Variants in TTC28 observed in about 807,000 individuals in gnomAD.
TTC28 encodes tetratricopeptide repeat domain 28.
Under a neutral mutation model 198.0 loss-of-function variants are expected in TTC28, and 61 were observed. That is an observed-to-expected ratio of 0.31 (90% CI 0.25 to 0.38). TTC28 has a LOEUF of 0.38. Ranked by LOEUF, TTC28 falls within the 10% of genes least tolerant of loss-of-function variation. TTC28 has a pLI of 1.00. For synonymous variants in TTC28, 1,171 were observed against 1,297.8 expected (o/e 0.90, Z 2.10); for missense variants, 2,678 against 3,164.0 (o/e 0.85, Z 3.69).
chr22:28,028,977 T>C (rs1351654293), intron 13 of TTC28: 1 of 471,046 alleles, frequency 2.1e-6, no homozygotes. Context: ...CACTCTGAGC[T>C]CTTCACACTC....
intron 2 of TTC28, among the ~76,000 whole-genome samples, chr22:28,395,762 T>C (rs1051714741): frequency 6.6e-6 from 1 of 152,184 alleles, no homozygotes; most frequent in Non-Finnish European, 1.5e-5. Context: ...TCAACCTAAT[T>C]ATTTACATTA....
chr22:28,443,100 A>G (rs1048961518), intron 2 of TTC28: 11 of 152,228 alleles, frequency 7.2e-5, no homozygotes, highest in African/African-American at 2.2e-4. Context: ...AGTATCCCCA[A>G]ACCACGAACA....
At chr22:28,371,895 AT>A (rs1157004346) in intron 2 of TTC28, among the ~76,000 whole-genome samples, 1 of 149,714 alleles carries the variant, frequency 6.7e-6, no homozygotes. Flanking sequence ...AAAAAAAAAA[AT>A]TTTTTTAATG....
intron 6 of TTC28, among the ~76,000 whole-genome samples, chr22:28,139,837 C>CTGCA (rs1437886334): frequency 2.0e-5 from 3 of 152,078 alleles, no homozygotes; most frequent in Non-Finnish European, 4.4e-5. Flanking sequence ...CCATCTCTCT[C>CTGCA]TGCACAGCTC....
intron 2 of TTC28, among the ~76,000 whole-genome samples, chr22:28,598,177 C>T (rs2050572892): frequency 6.6e-6 from 1 of 151,790 alleles, no homozygotes; most frequent in South Asian, 2.1e-4. Flanking sequence ...AGGGTTTAAA[C>T]CATGGAAAAA....
chr22:28,044,857 C>T (rs1470040074), intron 12 of TTC28, among the ~76,000 whole-genome samples: 1 of 152,128 alleles, frequency 6.6e-6, no homozygotes, highest in African/African-American at 2.4e-5. Flanking sequence ...AGTAGAAATA[C>T]AGGTTTTCCC....
chr22:28,265,527 G>A (rs900345443), intron 5 of TTC28, among the ~76,000 whole-genome samples: 5 of 152,114 alleles, frequency 3.3e-5, no homozygotes, highest in African/African-American at 9.7e-5. Context: ...TGCACGTACC[G>A]CATGGGACAC....
intron 6 of TTC28, among the ~76,000 whole-genome samples, chr22:28,125,470 T>C (rs914455633): frequency 3.9e-5 from 6 of 152,166 alleles, no homozygotes; most frequent in Non-Finnish European, 8.8e-5. Context: ...GTAGTAACTG[T>C]AGAAATGGAG....
At chr22:28,616,838 C>A (rs1034919410) in intron 2 of TTC28, among the ~76,000 whole-genome samples, 2 of 148,454 alleles carry the variant, frequency 1.3e-5, no homozygotes, top group African/African-American at 2.5e-5. Context: ...CAGAGCAAGA[C>A]CCTGTCTCAA....
chr22:28,096,042 G>T (rs186724302), intron 11 of TTC28, 148 bp downstream of exon 11: 33 of 1,249,188 alleles, frequency 2.6e-5, no homozygotes, highest in Non-Finnish European at 3.2e-5. Context: ...GCCCCACCAC[G>T]GCATATCCAC....
chr22:28,279,284 A>T (rs1195019152), intron 5 of TTC28, among the ~76,000 whole-genome samples: 1 of 152,208 alleles, frequency 6.6e-6, no homozygotes, highest in East Asian at 1.9e-4. Flanking sequence ...ATACTTCAGC[A>T]TGTATATCAC....
intron 1 of TTC28, among the ~76,000 whole-genome samples, chr22:28,649,270 T>C (rs2051529208): frequency 6.6e-6 from 1 of 152,208 alleles, no homozygotes; most frequent in African/African-American, 2.4e-5. Flanking sequence ...GGGTACAATG[T>C]ACACCACTCT....
chr22:28,101,954 T>C (rs891029707), intron 8 of TTC28, among the ~76,000 whole-genome samples: 2 of 152,194 alleles, frequency 1.3e-5, no homozygotes, highest in Non-Finnish European at 2.9e-5. Flanking sequence ...AGGTGATGGC[T>C]ATCAGCAGGA....
At chr22:28,612,005 T>A (rs2050827691) in intron 2 of TTC28, among the ~76,000 whole-genome samples, 1 of 152,084 alleles carries the variant, frequency 6.6e-6, no homozygotes, top group Admixed American at 6.5e-5. Flanking sequence ...ATGGGCTAAA[T>A]GCCCCATTTA....
intron 6 of TTC28, among the ~76,000 whole-genome samples, chr22:28,150,396 T>G (rs1224296201): frequency 6.6e-6 from 1 of 152,236 alleles, no homozygotes; most frequent in Non-Finnish European, 1.5e-5. Flanking sequence ...TAATCGTTTG[T>G]TAAATCACCT....
At chr22:28,266,957 C>A (rs868426833) in intron 5 of TTC28, among the ~76,000 whole-genome samples, 5 of 152,092 alleles carry the variant, frequency 3.3e-5, no homozygotes, top group South Asian at 4.1e-4. Flanking sequence ...TGCACAAAAA[C>A]CACTGTTCTC....
chr22:28,184,304 T>C (rs1207920598), intron 5 of TTC28, among the ~76,000 whole-genome samples: 1 of 152,224 alleles, frequency 6.6e-6, no homozygotes, highest in Non-Finnish European at 1.5e-5. Flanking sequence ...ATCTGTTTTG[T>C]ATATTTGTTT....
intron 2 of TTC28, among the ~76,000 whole-genome samples, chr22:28,534,468 C>G (rs893032474): frequency 6.6e-6 from 1 of 152,198 alleles, no homozygotes; most frequent in East Asian, 1.9e-4. Context: ...GTTGGTGGGA[C>G]TGTAAACTAG....
At chr22:28,365,168 G>T (rs1183205857) in intron 2 of TTC28, among the ~76,000 whole-genome samples, 2 of 152,098 alleles carry the variant, frequency 1.3e-5, no homozygotes, top group Non-Finnish European at 2.9e-5. Context: ...CACCAGCAAA[G>T]GGCTGAAGGC....
Sources: gnomAD v4.1 joint callset for allele counts (sites outside exome capture counted in the v4.1 genomes callset) on GRCh38, gnomAD v4.1.1 for gene constraint, MANE v1.5 for transcripts, NCBI Gene and HGNC (gene_info 2026-07-23, HGNC 2026-07-21) for gene names.